The following NTM variants were observed in gnomAD, a reference collection of about 807,000 sequenced individuals.
NTM encodes the protein IgLON family member 2.
In NTM, 13 loss-of-function variants were observed where a neutral mutation model predicts 42.1. The observed-to-expected ratio is 0.31, with a 90% CI of 0.20 to 0.49. The LOEUF is 0.49. NTM is among the 20% of genes least tolerant of loss of function. The probability of loss-of-function intolerance (pLI) is 0.99; values close to 1 mark genes in which losing one functional copy is unlikely to be tolerated. For synonymous variants in NTM, 187 were observed against 179.2 expected, an observed-to-expected ratio of 1.04 and a Z score of -0.35; for missense variants, 373 against 452.8, an observed-to-expected ratio of 0.82 and a Z score of 1.60.
At chr11:131,517,988 A>G (rs2136526529) in intron 1 of NTM, among the ~76,000 whole-genome samples, 1 of 152,368 alleles carries the variant, frequency 6.6e-6, no homozygotes, top group South Asian at 2.1e-4. Context: ...ACAATAGGTT[A>G]TAATTATCAT....
At chr11:132,234,481 G>A (rs997846204) in intron 4 of NTM, among the ~76,000 whole-genome samples, 1 of 152,084 alleles carries the variant, frequency 6.6e-6, no homozygotes, top group Non-Finnish European at 1.5e-5. Flanking sequence ...TCTCTCTGTA[G>A]CAAAAGTTTA....
chr11:131,822,297 A>C (rs1342189192), intron 1 of NTM, among the ~76,000 whole-genome samples: 1 of 151,996 alleles, frequency 6.6e-6, no homozygotes, highest in Non-Finnish European at 1.5e-5. Context: ...CACCTCCACA[A>C]TTCACCTGCT....
At chr11:131,906,333 G>C (rs1054008243) in intron 1 of NTM, among the ~76,000 whole-genome samples, 1 of 152,092 alleles carries the variant, frequency 6.6e-6, no homozygotes, top group African/African-American at 2.4e-5. Flanking sequence ...AGAGTAGAAA[G>C]AACCCTGCTG....
intron 2 of NTM, among the ~76,000 whole-genome samples, chr11:132,027,196 G>A (rs2075297286): frequency 6.6e-6 from 1 of 152,078 alleles, no homozygotes; most frequent in Non-Finnish European, 1.5e-5. Flanking sequence ...CCCCTTTTGT[G>A]GCCCCACATG....
intron 4 of NTM, among the ~76,000 whole-genome samples, chr11:132,269,031 G>A (rs1490865273): frequency 6.6e-6 from 1 of 151,948 alleles, no homozygotes; most frequent in Non-Finnish European, 1.5e-5. Flanking sequence ...AAGCAAGAGG[G>A]GAGAAAAGCA....
At chr11:132,178,270 T>A (rs2077094343) in intron 3 of NTM, among the ~76,000 whole-genome samples, 1 of 152,180 alleles carries the variant, frequency 6.6e-6, no homozygotes, top group Admixed American at 6.6e-5. Flanking sequence ...GAAGGAAAGA[T>A]AAACTTTAAT....
chr11:131,655,570 C>A (rs1321141634), intron 1 of NTM, among the ~76,000 whole-genome samples: 1 of 152,146 alleles, frequency 6.6e-6, no homozygotes, highest in Non-Finnish European at 1.5e-5. Flanking sequence ...GTAAAAGACA[C>A]GTATGGGAGG....
At chr11:131,886,822 T>C (rs1025790319) in intron 1 of NTM, among the ~76,000 whole-genome samples, 3 of 152,254 alleles carry the variant, frequency 2.0e-5, no homozygotes, top group Middle Eastern at 3.2e-3. Flanking sequence ...CATACATCCC[T>C]GAGGAAGGGC....
intron 1 of NTM, among the ~76,000 whole-genome samples, chr11:131,812,139 C>T (rs1362555813): frequency 1.3e-5 from 2 of 151,398 alleles, no homozygotes; most frequent in African/African-American, 4.9e-5. Context: ...CTCATGCCCT[C>T]TTGTGTTTTT....
chr11:131,775,951 C>G (rs1310249710), intron 1 of NTM, among the ~76,000 whole-genome samples: 1 of 152,136 alleles, frequency 6.6e-6, no homozygotes, highest in East Asian at 1.9e-4. Flanking sequence ...CAAAGATAAC[C>G]CACACTGCTC....
intron 2 of NTM, among the ~76,000 whole-genome samples, chr11:131,964,965 C>T (rs2062642087): frequency 6.6e-6 from 1 of 152,058 alleles, no homozygotes; most frequent in African/African-American, 2.4e-5. Context: ...CTTACCCTGG[C>T]TGGTCTGTGA....
At chr11:131,867,592 A>G (rs1380921535) in intron 1 of NTM, among the ~76,000 whole-genome samples, 1 of 151,014 alleles carries the variant, frequency 6.6e-6, no homozygotes, top group East Asian at 1.9e-4. Context: ...ATGTGTGTGT[A>G]CACATACCTG....
At chr11:131,765,304 C>G (rs2084924574) in intron 1 of NTM, among the ~76,000 whole-genome samples, 1 of 152,096 alleles carries the variant, frequency 6.6e-6, no homozygotes, top group East Asian at 1.9e-4. Context: ...ATCTAAATAC[C>G]TTTATGATTT....
chr11:131,834,124 TC>T (rs1167464690), intron 1 of NTM, among the ~76,000 whole-genome samples: 2 of 152,154 alleles, frequency 1.3e-5, no homozygotes, highest in Non-Finnish European at 2.9e-5. Context: ...GTTCATTTTC[TC>T]CCTTGGCCTC....
At chr11:131,873,993 T>TAA (rs2048181796) in intron 1 of NTM, among the ~76,000 whole-genome samples, 1 of 123,668 alleles carries the variant, frequency 8.1e-6, no homozygotes, top group East Asian at 2.2e-4. Flanking sequence ...ATTATATATA[T>TAA]TATATTTACA....
intron 1 of NTM, among the ~76,000 whole-genome samples, chr11:131,480,785 T>G (rs995483947): frequency 4.0e-5 from 6 of 151,706 alleles, no homozygotes; most frequent in African/African-American, 1.2e-4. Flanking sequence ...TTAACTTCAG[T>G]CTGGGTGGTG....
At chr11:131,499,617 GA>G (rs999063487) in intron 1 of NTM, among the ~76,000 whole-genome samples, 58 of 152,150 alleles carry the variant, frequency 3.8e-4, no homozygotes, top group African/African-American at 1.3e-3. Flanking sequence ...TCTTCTTGAG[GA>G]AAAAAGTTCA....
intron 1 of NTM, among the ~76,000 whole-genome samples, chr11:131,577,855 T>C (rs1410286891): frequency 1.3e-5 from 2 of 152,242 alleles, no homozygotes; most frequent in African/African-American, 4.8e-5. Context: ...ACTTTGACAG[T>C]ATTCTCCAGG....
intron 1 of NTM, among the ~76,000 whole-genome samples, chr11:131,597,744 T>C (rs1231925474): frequency 6.6e-6 from 1 of 152,206 alleles, no homozygotes; most frequent in Non-Finnish European, 1.5e-5. Flanking sequence ...AAATCTTCAA[T>C]TTCCTACCGT....
Sources: allele counts gnomAD v4.1 joint callset (sites outside exome capture counted in the v4.1 genomes callset), GRCh38; gene constraint gnomAD v4.1.1; transcripts MANE v1.5; gene names NCBI Gene and HGNC (gene_info 2026-07-23, HGNC 2026-07-21).